Variants in MYCBP2 observed in about 807,000 individuals in gnomAD.
MYCBP2 encodes the protein MYC binding protein 2.
MYCBP2 carries 120 observed loss-of-function variants against 525.3 expected under a neutral mutation model. The observed-to-expected ratio is 0.23, with a 90% CI of 0.20 to 0.27. The LOEUF is 0.27. MYCBP2 is among the 10% of genes least tolerant of loss of function. MYCBP2 has a pLI of 1.00. For synonymous variants in MYCBP2, 1,894 were observed against 1,955.8 expected, an observed-to-expected ratio of 0.97 and a Z score of 0.83; for missense variants, 4,149 against 5,657.1, an observed-to-expected ratio of 0.73 and a Z score of 8.55.
chr13:77,143,782 A>G (rs2055067930), intron 49 of MYCBP2, among the ~76,000 whole-genome samples: 1 of 150,312 alleles, frequency 6.7e-6, no homozygotes, highest in African/African-American at 2.5e-5. Context: ...TATATGGTAC[A>G]GCCTATTGGT....
At chr13:77,103,977 G>A (rs988553274) in intron 55 of MYCBP2, among the ~76,000 whole-genome samples, 18 of 152,036 alleles carry the variant, frequency 1.2e-4, no homozygotes, top group Admixed American at 2.6e-4. Flanking sequence ...TGTTAGGAAC[G>A]TCAATGATTT....
chr13:77,273,882 T>A (rs970616191), intron 4 of MYCBP2, among the ~76,000 whole-genome samples: 2 of 152,176 alleles, frequency 1.3e-5, no homozygotes, highest in Admixed American at 1.3e-4. Flanking sequence ...ACTCCTTATT[T>A]TTCTTAGTAA....
At position 77,319,918 on chromosome 13, in the gene MYCBP2, T is replaced by G. The variant is rs373197297; in HGVS notation, c.302+6556A>C. Among the ~76,000 whole-genome samples the G allele has an allele frequency of 1.8e-3, 279 of 152,310 alleles. 1 individual carries two copies. The highest frequency in any genetic ancestry group is 6.0e-3 in the African/African-American group (249 of 41,570). ...AGGAGGGTTCCCAGGAAACAGACTC[T>G]CAAATGCAGATGTGCACACCGGAAG... On this transcript the variant is annotated intron_variant, in intron 1 of 82. Transcript: ENST00000544440.
intron 52 of MYCBP2, among the ~76,000 whole-genome samples, chr13:77,132,427 T>A (rs1386583650): frequency 6.6e-6 from 1 of 152,124 alleles, no homozygotes; most frequent in Admixed American, 6.5e-5. Flanking sequence ...AAATGATACT[T>A]TCTCTTCAAC....
intron 58 of MYCBP2, among the ~76,000 whole-genome samples, chr13:77,093,820 A>G (rs2045813248): frequency 6.6e-6 from 1 of 152,168 alleles, no homozygotes; most frequent in African/African-American, 2.4e-5. Flanking sequence ...GAACATACAT[A>G]AGATCATATT....
intron 35 of MYCBP2, among the ~76,000 whole-genome samples, chr13:77,177,067 T>C (rs993714990): frequency 8.6e-5 from 13 of 151,708 alleles, no homozygotes; most frequent in African/African-American, 2.4e-4. Flanking sequence ...AGTCAACAAA[T>C]AGTGTCTTCA....
At chr13:77,294,104 C>CTATATATATATATATATATACA (rs2077782240) in intron 2 of MYCBP2, among the ~76,000 whole-genome samples, 3 of 41,910 alleles carry the variant, frequency 7.2e-5, no homozygotes, top group Non-Finnish European at 1.6e-4. Flanking sequence ...GATATAATGG[C>CTATATATATATATATATATACA]TATATATATA....
At chr13:77,052,747 ATAAAG>A (rs1360456036) in intron 80 of MYCBP2, among the ~76,000 whole-genome samples, 6 of 152,362 alleles carry the variant, frequency 3.9e-5, no homozygotes, top group East Asian at 1.9e-4. Context: ...CAAAATATAC[ATAAAG>A]TAATTAGTAT....
chr13:77,063,869 A>C (rs1212293463), intron 73 of MYCBP2, among the ~76,000 whole-genome samples: 1 of 152,228 alleles, frequency 6.6e-6, no homozygotes, highest in East Asian at 1.9e-4. Flanking sequence ...TACCTATTTC[A>C]GGTGTCACAG....
At chr13:77,068,517 T>C (rs755328439) in intron 70 of MYCBP2, 48 bp downstream of exon 70, 6 of 1,581,952 alleles carry the variant, frequency 3.8e-6, no homozygotes, top group South Asian at 2.3e-5. Flanking sequence ...CTTTTAACAA[T>C]GTTTCAAGTA....
chr13:77,092,768 C>T (rs2045649693), intron 59 of MYCBP2, among the ~76,000 whole-genome samples: 1 of 152,030 alleles, frequency 6.6e-6, no homozygotes, highest in East Asian at 1.9e-4. Flanking sequence ...AGTTTCTATT[C>T]AGCTTTCCGA....
intron 23 of MYCBP2, 67 bp from the exon 24 acceptor site, chr13:77,206,892 A>G (rs1460855917): frequency 7.8e-7 from 1 of 1,281,926 alleles, no homozygotes; most frequent in South Asian, 1.8e-5. Flanking sequence ...TTCCTAAAAC[A>G]TAACTGATGA....
chr13:77,311,409 C>A (rs1276654347), intron 1 of MYCBP2, among the ~76,000 whole-genome samples: 1 of 152,092 alleles, frequency 6.6e-6, no homozygotes, highest in Non-Finnish European at 1.5e-5. Context: ...AGGGAAGAGA[C>A]AATCAAAAGA....
intron 2 of MYCBP2, among the ~76,000 whole-genome samples, chr13:77,292,855 G>C (rs1356271746): frequency 6.6e-6 from 1 of 151,464 alleles, no homozygotes; most frequent in Non-Finnish European, 1.5e-5. Context: ...CTACTCAGGA[G>C]GCTGAGGCAG....
intron 26 of MYCBP2, among the ~76,000 whole-genome samples, chr13:77,194,530 G>A (rs1265480131): frequency 6.6e-6 from 1 of 151,998 alleles, no homozygotes; most frequent in African/African-American, 2.4e-5. Context: ...TACCTAATAT[G>A]TGCATCTGAA....
intron 52 of MYCBP2, among the ~76,000 whole-genome samples, chr13:77,136,478 A>G (rs2053782653): frequency 6.6e-6 from 1 of 152,144 alleles, no homozygotes. Flanking sequence ...CCCAGAACTG[A>G]TAATCTTAAT....
intron 1 of MYCBP2, among the ~76,000 whole-genome samples, chr13:77,324,331 A>C (rs1020528068): frequency 7.9e-5 from 12 of 152,160 alleles, no homozygotes; most frequent in Non-Finnish European, 1.8e-4. Flanking sequence ...CTAGAGCTTC[A>C]TTCTCTATTA....
chr13:77,094,309 G>T (rs2045903891), intron 58 of MYCBP2, among the ~76,000 whole-genome samples: 1 of 152,152 alleles, frequency 6.6e-6, no homozygotes, highest in Admixed American at 6.6e-5. Flanking sequence ...TGCATGATGT[G>T]TGAAAGTACA....
At chr13:77,160,831 C>T (rs952011475) in intron 44 of MYCBP2, among the ~76,000 whole-genome samples, 2 of 152,166 alleles carry the variant, frequency 1.3e-5, no homozygotes, top group African/African-American at 2.4e-5. Flanking sequence ...CAGAGTCTTC[C>T]ATTCTAAGAC....
Sources: allele counts gnomAD v4.1 joint callset (sites outside exome capture counted in the v4.1 genomes callset), GRCh38; gene constraint gnomAD v4.1.1; transcripts MANE v1.5; gene names NCBI Gene and HGNC (gene_info 2026-07-23, HGNC 2026-07-21).